The following CSMD1 variants were observed in gnomAD, a reference collection of about 807,000 sequenced individuals.
CSMD1 encodes the protein CUB and sushi domain-containing protein 1.
In CSMD1, 213 loss-of-function variants were observed where a neutral mutation model predicts 417.5. The observed-to-expected ratio is 0.51, with a 90% CI of 0.46 to 0.57. The LOEUF (loss-of-function observed/expected upper bound fraction) is 0.57. Among genes scored for constraint, CSMD1 ranks in the 20% least tolerant of loss-of-function variants. The pLI is 0.00. For synonymous variants in CSMD1, 2,862 were observed against 1,736.8 expected (o/e 1.65, Z -16.11); for missense variants, 6,923 against 4,529.7 (o/e 1.53, Z -15.17).
intron 3 of CSMD1, among the ~76,000 whole-genome samples, chr8:4,311,454 G>T (rs977761843): frequency 1.3e-5 from 2 of 152,110 alleles, no homozygotes; most frequent in African/African-American, 4.8e-5. Flanking sequence ...TGGACATCGT[G>T]GCTCACAGCT....
intron 3 of CSMD1, among the ~76,000 whole-genome samples, chr8:4,089,858 T>C (rs1330437301): frequency 1.3e-5 from 2 of 152,138 alleles, no homozygotes; most frequent in Non-Finnish European, 2.9e-5. Flanking sequence ...GGTGGTGGGA[T>C]CTCACCACAG....
intron 10 of CSMD1, among the ~76,000 whole-genome samples, chr8:3,497,518 T>C (rs80049454): frequency 0.049 from 7,482 of 152,186 alleles, 243 homozygotes; most frequent in Non-Finnish European, 0.074. Flanking sequence ...AATTCTCATG[T>C]CTCACCCTTC....
intron 2 of CSMD1, among the ~76,000 whole-genome samples, chr8:4,525,957 G>T (rs757602851): frequency 6.6e-6 from 1 of 152,138 alleles, no homozygotes; most frequent in East Asian, 1.9e-4. Context: ...ATAGATCTGG[G>T]TCCTGAACGC....
At chr8:3,981,711 T>C (rs560861656) in intron 5 of CSMD1, among the ~76,000 whole-genome samples, 4 of 152,216 alleles carry the variant, frequency 2.6e-5, no homozygotes, top group Non-Finnish European at 4.4e-5. Context: ...CTTTTGTATT[T>C]GATTTCTTCA....
Position 3,753,978 on chromosome 8 carries a change from T to G in CSMD1, c.883A>C (p.Thr295Pro), listed in dbSNP as rs1432600618. The change falls in exon 6 of 70, where the codon ACC (threonine) becomes CCC (proline). Residue 295 changes from threonine to proline, a missense_variant. Thr to Pro is a conservative substitution (Grantham distance 38). Transcript: ENST00000635120. ...SSKNWLRLHF[T>P]SDSNHRRKGF... is the part of the protein sequence containing the mutation. Reference sequence around the variant, plus strand: ...TTGCGTCGGTGGTTGCTGTCAGAGGTGAAATGGAGTCGTAGCCAATTCTTG... The same window carrying G: ...TTGCGTCGGTGGTTGCTGTCAGAGGGGAAATGGAGTCGTAGCCAATTCTTG... 6.2e-7 allele frequency: 1 copy of G among 1,612,050 alleles called. No individual in the cohort carries two copies. Among genetic ancestry groups the G allele is most frequent in the Non-Finnish European group, 8.5e-7 (1 of 1,179,156 alleles).
chr8:4,450,681 T>A (rs1461334911), intron 2 of CSMD1, among the ~76,000 whole-genome samples: 1 of 152,196 alleles, frequency 6.6e-6, no homozygotes, highest in Non-Finnish European at 1.5e-5. Context: ...TCTTGCACTG[T>A]ATCCAATGTA....
intron 2 of CSMD1, among the ~76,000 whole-genome samples, chr8:4,438,568 G>C (rs1316612393): frequency 1.3e-5 from 2 of 152,188 alleles, no homozygotes; most frequent in South Asian, 2.1e-4. Flanking sequence ...GCTGACGGGA[G>C]TGTGGGGAGC....
chr8:3,572,315 G>A (rs774874360), intron 10 of CSMD1, among the ~76,000 whole-genome samples: 1 of 152,186 alleles, frequency 6.6e-6, no homozygotes, highest in Non-Finnish European at 1.5e-5. Flanking sequence ...GCTTCAGGGA[G>A]CAGTTGAGGG....
At chr8:4,057,824 G>A (rs1288869917) in intron 3 of CSMD1, among the ~76,000 whole-genome samples, 1 of 152,146 alleles carries the variant, frequency 6.6e-6, no homozygotes, top group Non-Finnish European at 1.5e-5. Context: ...TGTCAGGTTT[G>A]TCAAAGATCA....
intron 3 of CSMD1, among the ~76,000 whole-genome samples, chr8:4,307,824 T>C (rs1436601387): frequency 1.3e-5 from 2 of 152,178 alleles, no homozygotes; most frequent in Non-Finnish European, 2.9e-5. Flanking sequence ...AATTATAATA[T>C]GATGATTTAA....
chr8:4,501,612 G>C (rs1186953794), intron 2 of CSMD1, among the ~76,000 whole-genome samples: 1 of 152,124 alleles, frequency 6.6e-6, no homozygotes, highest in East Asian at 1.9e-4. Context: ...TAATGTATAA[G>C]TTTTAAATTG....
intron 50 of CSMD1, among the ~76,000 whole-genome samples, chr8:3,031,347 G>C (rs537775029): frequency 7.3e-5 from 11 of 151,476 alleles, no homozygotes; most frequent in Non-Finnish European, 1.5e-4. Context: ...CTAGCACTAG[G>C]AGATATACCT....
intron 5 of CSMD1, among the ~76,000 whole-genome samples, chr8:3,822,369 C>T: frequency 6.6e-6 from 1 of 151,992 alleles, no homozygotes. Flanking sequence ...TGAACTGTAT[C>T]TATGAAGCAA....
chr8:4,561,889 G>C (rs1168421715), intron 2 of CSMD1, among the ~76,000 whole-genome samples: 1 of 152,174 alleles, frequency 6.6e-6, no homozygotes, highest in Non-Finnish European at 1.5e-5. Flanking sequence ...CATATGTCAT[G>C]AAGCCAGAAT....
rs374114677 is a variant in CSMD1 at position 3,396,251 on chromosome 8, G to A, written c.2536C>T (p.Leu846=). 15 of 1,581,238 alleles carry A rather than the reference G, an allele frequency of 9.5e-6. No homozygotes were observed. The highest frequency in any genetic ancestry group is 5.5e-5 in the Admixed American group (3 of 54,888). The stretch of plus-strand genomic sequence containing the variant: ...CGGCTGTTGTCAGTGGTGAACAGCA[G>A]GTACATGAAGTTCCCGGTGCTGATG... ...FLISTGNFMY[L]LFTTDNSRSS... The change falls in exon 17 of 70, where the codon CTG becomes TTG. Residue 846 remains leucine (L), a synonymous_variant. Coordinates refer to ENST00000635120, the MANE Select transcript of CSMD1 (RefSeq NM_033225.6).
In CSMD1 at chr8:4,578,635, T is replaced by C. The variant is rs187920221; in HGVS notation, c.302+58707A>G. 4.6e-5 allele frequency among the ~76,000 whole-genome samples: 7 copies of C among 150,840 alleles called. No homozygotes were observed. In the East Asian group the frequency reaches 1.4e-3, roughly 30 times the overall value. On this transcript the variant is annotated intron_variant, in intron 2 of 69. Coordinates refer to ENST00000635120, the MANE Select transcript of CSMD1 (RefSeq NM_033225.6). ...TTCAAGATCAGCCTGGCCAACATGG[T>C]GAAACCCCATCTCTACCAAAAATAC... is the stretch of plus-strand genomic sequence containing the variant.
intron 5 of CSMD1, among the ~76,000 whole-genome samples, chr8:3,924,324 G>A (rs1809487613): frequency 6.6e-6 from 1 of 151,992 alleles, no homozygotes; most frequent in African/African-American, 2.4e-5. Context: ...TATGACTTTT[G>A]ACAGTTTAAA....
intron 3 of CSMD1, among the ~76,000 whole-genome samples, chr8:4,176,052 G>C (rs1265035386): frequency 1.3e-5 from 2 of 152,116 alleles, no homozygotes; most frequent in African/African-American, 4.8e-5. Flanking sequence ...AGCAGGAGCA[G>C]AAAAGTGTGA....
intron 4 of CSMD1, among the ~76,000 whole-genome samples, chr8:4,004,693 G>T (rs993857408): frequency 2.6e-5 from 4 of 151,940 alleles, no homozygotes; most frequent in Admixed American, 6.6e-5. Flanking sequence ...AGCTGGTTAG[G>T]TTACAAAGTT....
Sources: allele counts gnomAD v4.1 joint callset (sites outside exome capture counted in the v4.1 genomes callset), GRCh38; gene constraint gnomAD v4.1.1; transcripts MANE v1.5; gene names NCBI Gene and HGNC (gene_info 2026-07-23, HGNC 2026-07-21).